Variants in GPBP1L1 observed in about 807,000 individuals in gnomAD.
GPBP1L1 encodes GC-rich promoter binding protein 1 like 1, also known as vasculin-like protein 1.
In GPBP1L1, 23 loss-of-function variants were observed where a neutral mutation model predicts 52.5. That is an observed-to-expected ratio of 0.44 (90% CI 0.32 to 0.62). The LOEUF is 0.62. Ranked by LOEUF, GPBP1L1 falls within the 20% of genes least tolerant of loss-of-function variation. GPBP1L1 has a pLI of 0.06. For missense variants in GPBP1L1, 596 were observed against 579.3 expected (o/e 1.03, Z -0.30); for synonymous variants, 243 against 203.1 (o/e 1.20, Z -1.67).
At chr1:45,645,761 G>GTTTTTTT in intron 6 of GPBP1L1, 1 of 304,862 alleles carries the variant, frequency 3.3e-6, no homozygotes, top group Non-Finnish European at 6.0e-6. Flanking sequence ...ATATTCCGAA[G>GTTTTTTT]TTTTTTGTTT....
At chr1:45,663,300 T>G (rs531674210) in intron 2 of GPBP1L1, among the ~76,000 whole-genome samples, 1 of 152,266 alleles carries the variant, frequency 6.6e-6, no homozygotes, top group African/African-American at 2.4e-5. Context: ...ATAAAGCTGT[T>G]GGACACAAAG....
chr1:45,657,314 G>A (rs563941006), intron 4 of GPBP1L1, among the ~76,000 whole-genome samples: 11 of 152,086 alleles, frequency 7.2e-5, no homozygotes, highest in Non-Finnish European at 1.3e-4. Context: ...CAGGTACATC[G>A]CTTGAGCCCA....
chr1:45,628,548 G>T (rs1170924373), intron 12 of GPBP1L1, 140 bp from the exon 13 acceptor site: 1 of 658,344 alleles, frequency 1.5e-6, no homozygotes. Flanking sequence ...GACCCTCTGA[G>T]ATCTCTTATA....
intron 6 of GPBP1L1, 40 bp downstream of exon 6, chr1:45,654,503 T>C (rs2148469835): frequency 6.5e-7 from 1 of 1,533,346 alleles, no homozygotes. Context: ...CAGACATTAT[T>C]TGTTGGCTTC....
chr1:45,644,070 G>T (rs988718658), intron 6 of GPBP1L1, among the ~76,000 whole-genome samples: 3 of 152,108 alleles, frequency 2.0e-5, no homozygotes, highest in African/African-American at 7.2e-5. Context: ...CCAGGGGCAG[G>T]GCCTCTAGCA....
At chr1:45,645,605 A>G (rs1417832183) in intron 6 of GPBP1L1, among the ~76,000 whole-genome samples, 2 of 152,174 alleles carry the variant, frequency 1.3e-5, no homozygotes, top group Non-Finnish European at 2.9e-5. Context: ...TAACTATCAC[A>G]TGCTAACTCT....
At chr1:45,685,828 T>G (rs1340261893) in intron 1 of GPBP1L1, among the ~76,000 whole-genome samples, 2 of 152,038 alleles carry the variant, frequency 1.3e-5, no homozygotes, top group African/African-American at 4.8e-5. Flanking sequence ...CTTAAAACAT[T>G]TCAGGATCGA....
chr1:45,651,067 T>C (rs1433124990), intron 6 of GPBP1L1: 3 of 501,034 alleles, frequency 6.0e-6, no homozygotes, highest in African/African-American at 1.9e-5. Flanking sequence ...CTTTGCCTTT[T>C]TGAGCTTGGC....
chr1:45,658,165 C>T (rs899924009), intron 4 of GPBP1L1, among the ~76,000 whole-genome samples: 11 of 152,140 alleles, frequency 7.2e-5, no homozygotes, highest in African/African-American at 2.7e-4. Context: ...CAACACACAT[C>T]CCCCCTGAAA....
At chr1:45,663,050 C>CAAAAAAAAAAAAAAAAAAA (rs66502921) in intron 2 of GPBP1L1, among the ~76,000 whole-genome samples, 2 of 117,188 alleles carry the variant, frequency 1.7e-5, no homozygotes, top group Non-Finnish European at 3.5e-5. Context: ...GACTCTGTCT[C>CAAAAAAAAAAAAAAAAAAA]AAAAAAAAAA....
chr1:45,637,342 A>G (rs908785682), intron 8 of GPBP1L1, among the ~76,000 whole-genome samples: 1 of 152,126 alleles, frequency 6.6e-6, no homozygotes, highest in African/African-American at 2.4e-5. Context: ...ACGTACCCAG[A>G]ACCACAATCA....
At chr1:45,633,914 G>T in intron 9 of GPBP1L1, 182 bp downstream of exon 9, 2 of 691,890 alleles carry the variant, frequency 2.9e-6, no homozygotes, top group Non-Finnish European at 4.7e-6. Context: ...CCACCACAGA[G>T]CATCTATCCC....
chr1:45,638,403 C>G (rs778325527), intron 8 of GPBP1L1, among the ~76,000 whole-genome samples: 9 of 152,206 alleles, frequency 5.9e-5, no homozygotes, highest in Non-Finnish European at 1.2e-4. Context: ...TCAAAAGTCT[C>G]CTAAGATAAT....
chr1:45,659,709 C>T (rs1038173090), intron 3 of GPBP1L1, among the ~76,000 whole-genome samples: 39 of 152,082 alleles, frequency 2.6e-4, no homozygotes, highest in African/African-American at 5.6e-4. Context: ...CTTGGGAGGC[C>T]GAGGTGGATC....
In GPBP1L1 at chr1:45,630,995, C is replaced by G. The variant is rs557329669; in HGVS notation, c.1045-389G>C. 1.1e-4 allele frequency among the ~76,000 whole-genome samples: 16 copies of G among 151,934 alleles called. No homozygotes were observed. The East Asian group carries it at 2.9e-3, about 28-fold the overall frequency. ...AGTCCAATGGGACAGAACAGAGAGC[C>G]CACAAATAGACAACTGATCTTTGAC... On this transcript the variant is annotated intron_variant, in intron 10 of 12. Coordinates refer to ENST00000355105, the MANE Select transcript of GPBP1L1 (RefSeq NM_021639.5).
intron 4 of GPBP1L1, 172 bp downstream of exon 4, chr1:45,658,856 T>G (rs926046568): frequency 3.5e-6 from 2 of 576,428 alleles, no homozygotes; most frequent in African/African-American, 1.9e-5. Flanking sequence ...TCAGGAGGAC[T>G]GCCTGAGCCC....
In GPBP1L1 at chr1:45,652,935, A is replaced by G. The variant is rs142248112; in HGVS notation, c.477+1608T>C. Among the ~76,000 whole-genome samples, 313 of 152,322 alleles carry G rather than the reference A, an allele frequency of 2.1e-3. 1 individual carries two copies. The highest frequency in any genetic ancestry group is 6.8e-3 in the Middle Eastern group (2 of 294). ...CTTTCTTGGATTTGCTTGTAATACA[A>G]GTTTGCTGTATAAATAATAAAGATT... On this transcript the variant is annotated intron_variant, in intron 6 of 12. Coordinates refer to ENST00000355105, the MANE Select transcript of GPBP1L1 (RefSeq NM_021639.5).
chr1:45,672,517 CAGA>C (rs989138548), intron 2 of GPBP1L1, among the ~76,000 whole-genome samples: 3 of 145,096 alleles, frequency 2.1e-5, no homozygotes, highest in African/African-American at 7.5e-5. Context: ...TAATGAGAGA[CAGA>C]AGAACTCTTT....
At chr1:45,655,123 A>G in intron 5 of GPBP1L1, 67 bp downstream of exon 5, 1 of 1,582,866 alleles carries the variant, frequency 6.3e-7, no homozygotes, top group African/African-American at 1.3e-5. Flanking sequence ...ACAGACATGT[A>G]CCCACAGCCT....
Sources: gnomAD v4.1 joint callset for allele counts (sites outside exome capture counted in the v4.1 genomes callset) on GRCh38, gnomAD v4.1.1 for gene constraint, MANE v1.5 for transcripts, NCBI Gene and HGNC (gene_info 2026-07-23, HGNC 2026-07-21) for gene names.